AKR7A2: variants seen among roughly 807,000 people sequenced by gnomAD.
AKR7A2 encodes the protein aflatoxin B1 aldehyde reductase member 2.
A neutral mutation model predicts 37.3 loss-of-function variants in AKR7A2; 29 were observed. The ratio of observed to expected loss-of-function variants is 0.78; its 90% CI spans 0.58 to 1.06. AKR7A2 has a LOEUF of 1.06. Among genes scored for constraint, AKR7A2 ranks in the 50% least tolerant of loss-of-function variants. AKR7A2 has a pLI of 0.00. For missense variants in AKR7A2, 529 were observed against 497.9 expected (o/e 1.06, Z -0.59); for synonymous variants, 228 against 217.8 (o/e 1.05, Z -0.41).
rs868237146 is a variant in AKR7A2, at chr1:19,306,075, G to A, written c.861C>T (p.Ser287=). The change falls in exon 6 of 7, where the codon AGC becomes AGT. Residue 287 remains serine (S), a synonymous_variant. Transcript: ENST00000235835. ...EKALQAAYGA[S]APSVTSAALR... ...GGGCAGCCGAGGTCACACTGGGGGC[G>A]CTGGCGCCATATGCGGCCTGCAGGG... The A allele has an allele frequency of 1.9e-6, 3 of 1,614,158 alleles. No homozygotes were observed. Among genetic ancestry groups the A allele is most frequent in the South Asian group, 2.2e-5 (2 of 91,080 alleles).
At chr1:19,310,003 G>A (rs569815860) in intron 1 of AKR7A2, among the ~76,000 whole-genome samples, 1 of 152,146 alleles carries the variant, frequency 6.6e-6, no homozygotes, top group African/African-American at 2.4e-5. Flanking sequence ...TTGAACCTGG[G>A]AGGCAGAGGT....
chr1:19,312,033 G>T lies in AKR7A2; in HGVS notation c.92C>A (p.Ser31Tyr), dbSNP rs753061511. Reference sequence around the variant, plus strand: ...GGCGACCCGCGGTGGCGGTGGCCGGGACATGGCGAGCGCGCGGGCCTCGGG... The same window carrying T: ...GGCGACCCGCGGTGGCGGTGGCCGGTACATGGCGAGCGCGCGGGCCTCGGG... Reference protein sequence around the residue: ...PPPEARALAMSRPPPPRVASV... With the variant: ...PPPEARALAMYRPPPPRVASV... The change falls in exon 1 of 7, where the codon TCC (serine) becomes TAC (tyrosine). Residue 31 changes from serine (S) to tyrosine (Y), a missense_variant. Coordinates refer to ENST00000235835, the MANE Select transcript of AKR7A2 (RefSeq NM_003689.4). 2.7e-5 allele frequency: 38 copies of T among 1,408,820 alleles called. No homozygotes were observed. In the African/African-American group the frequency reaches 5.8e-4, roughly 21 times the overall value. The allele number at this position is 1,408,820 out of a possible 1,614,324, so 87.3% of individuals were successfully genotyped here.
Position 19,306,118 on chromosome 1 carries a change from A to G in AKR7A2, c.818T>C (p.Ile273Thr), listed in dbSNP as rs753380056. 39 of 1,614,154 alleles carry G rather than the reference A, an allele frequency of 2.4e-5. No homozygotes were observed. In the South Asian group the frequency reaches 3.5e-4, roughly 15 times the overall value. ...RFWKEHHFEA[I>T]ALVEKALQAA... is the part of the protein sequence containing the mutation. ...CTGCAGGGCCTTCTCCACCAACGCA[A>G]TGGCCTCGAAGTGGTGCTCCTTCCA... The change falls in exon 6 of 7, where the codon ATT (isoleucine) becomes ACT (threonine). Residue 273 changes from isoleucine (I) to threonine (T), a missense_variant. Physicochemically the swap from Ile to Thr is moderately conservative, Grantham distance 89. Coordinates refer to ENST00000235835, the MANE Select transcript of AKR7A2 (RefSeq NM_003689.4).
At chr1:19,305,870 T>G in intron 6 of AKR7A2, 148 bp downstream of exon 6, 1 of 1,335,698 alleles carries the variant, frequency 7.5e-7, no homozygotes, top group Non-Finnish European at 1.1e-6. Context: ...TCAGATACCA[T>G]CAAAGACCAG....
chr1:19,304,154 C>G lies in AKR7A2; in HGVS notation c.*71G>C. The G allele has an allele frequency of 6.2e-7, 1 of 1,612,372 alleles. No homozygotes were observed. The highest frequency in any genetic ancestry group is 8.5e-7 in the Non-Finnish European group (1 of 1,178,448). ...AAAACCCTTCTAAGTCAGCTTAAGG[C>G]CAAGACTGGTCAGTGTGAGAGAACA... On this transcript the variant is annotated 3_prime_UTR_variant, in exon 7 of 7. Coordinates refer to ENST00000235835, the MANE Select transcript of AKR7A2 (RefSeq NM_003689.4).
rs1335230692 is a variant in AKR7A2 at position 19,309,352 on chromosome 1, GTA to G, written c.299-712_299-711del. 3.9e-5 allele frequency among the ~76,000 whole-genome samples: 6 copies of G among 152,346 alleles called. No homozygotes were observed. The South Asian group carries it at 1.0e-3, about 26-fold the overall frequency. On this transcript the variant is annotated intron_variant, in intron 1 of 6. Transcript: ENST00000235835. ...TCACCTGTGTTCACACTTGGCTGCAGTATAGAGAAAGAAGTCAAGGGGGCAGG... is the reference window on the plus strand; with the variant it reads ...TCACCTGTGTTCACACTTGGCTGCAGTAGAGAAAGAAGTCAAGGGGGCAGG...
rs548236491 is a variant in AKR7A2 at position 19,308,516 on chromosome 1, G to A, written c.425C>T (p.Ala142Val). Reference sequence around the variant, plus strand: ...TTCCACCGGGGTGCCGTGGTCAGGTGCGTGTAGGTAGAAGAGGTCCACTTG... The same window carrying A: ...TTCCACCGGGGTGCCGTGGTCAGGTACGTGTAGGTAGAAGAGGTCCACTTG... Reference protein sequence around the residue: ...CPQVDLFYLHAPDHGTPVEET... With the variant: ...CPQVDLFYLHVPDHGTPVEET... The change falls in exon 2 of 7, where the codon GCA becomes GTA. Residue 142 changes from alanine (A) to valine (V), a missense_variant. By Grantham distance (64) the Ala-to-Val change is moderately conservative. Coordinates refer to ENST00000235835, the MANE Select transcript of AKR7A2 (RefSeq NM_003689.4). 2.5e-5 allele frequency: 40 copies of A among 1,614,216 alleles called. No homozygotes were observed. The South Asian group carries it at 3.6e-4, about 15-fold the overall frequency.
chr1:19,311,639 G>A (rs1316169105), intron 1 of AKR7A2, among the ~76,000 whole-genome samples, 188 bp downstream of exon 1: 1 of 151,908 alleles, frequency 6.6e-6, no homozygotes, highest in Non-Finnish European at 1.5e-5. Context: ...GAGAGTGGGG[G>A]AAAGGAGTCA....
chr1:19,306,225 G>A, intron 5 of AKR7A2, 78 bp from the exon 6 acceptor site: 1 of 1,599,384 alleles, frequency 6.3e-7, no homozygotes, highest in Non-Finnish European at 8.6e-7. Context: ...AGCCATCCAG[G>A]ACCACTGCCC....
intron 4 of AKR7A2, 51 bp from the exon 5 acceptor site, chr1:19,307,152 C>A (rs2151988748): frequency 6.2e-7 from 1 of 1,604,818 alleles, no homozygotes; most frequent in Middle Eastern, 1.7e-4. Flanking sequence ...CCAGAAGCTG[C>A]CACATCCCTC....
At position 19,312,069 on chromosome 1, in the gene AKR7A2, C is replaced by A. The variant is rs900071820; in HGVS notation, c.56G>T (p.Arg19Leu). ...VSRAAVHCAL[R>L]SPPPEARALA... ...CGCGCGGGCCTCGGGCGGCGGAGAG[C>A]GAAGCGCGCAGTGGACGGCGGCGCG... is the stretch of plus-strand genomic sequence containing the variant. Residue 19 changes from arginine to leucine, a missense_variant, in exon 1 of 7, where the codon CGC (arginine) becomes CTC (leucine). By Grantham distance (102) the Arg-to-Leu change is moderately radical. Transcript: ENST00000235835. 4.4e-6 allele frequency: 6 copies of A among 1,356,346 alleles called. No individual in the cohort carries two copies. Among genetic ancestry groups the A allele is most frequent in the South Asian group, 1.9e-5 (1 of 52,802 alleles). The allele number at this position is 1,356,346 out of a possible 1,614,324, so 84.0% of individuals were successfully genotyped here. A position where few individuals can be genotyped will look rare whatever the true frequency, so the allele number is the denominator to read the frequency against.
intron 1 of AKR7A2, among the ~76,000 whole-genome samples, chr1:19,311,362 C>T (rs777850783): frequency 2.0e-5 from 3 of 152,256 alleles, no homozygotes; most frequent in Non-Finnish European, 2.9e-5. Flanking sequence ...TACGGCATCG[C>T]CACAGTTCTC....
chr1:19,307,785 T>C (rs1344497817), intron 3 of AKR7A2: 3 of 488,884 alleles, frequency 6.1e-6, no homozygotes, highest in Non-Finnish European at 7.4e-6. Flanking sequence ...GCTGAATGTA[T>C]GAAGATGAGA....
In AKR7A2 at chr1:19,304,257, C is replaced by A. The variant is rs756498914; in HGVS notation, c.1048G>T (p.Val350Phe). Residue 350 changes from valine to phenylalanine, a missense_variant, in exon 7 of 7, where the codon GTT becomes TTT. Transcript: ENST00000235835. ...VDAFNQAWHL[V>F]AHECPNYFR Reference sequence around the variant, plus strand: ...AAGTAGTTGGGACATTCGTGAGCAACCAAATGCCAGGCTTGATTAAAGGCA... The same window carrying A: ...AAGTAGTTGGGACATTCGTGAGCAAACAAATGCCAGGCTTGATTAAAGGCA... 1 of 1,614,148 alleles carries A rather than the reference C, an allele frequency of 6.2e-7. No individual in the cohort carries two copies. Among genetic ancestry groups the A allele is most frequent in the Admixed American group, 1.7e-5 (1 of 60,024 alleles).
At position 19,307,023 on chromosome 1, in the gene AKR7A2, C is replaced by T; in HGVS notation, c.767G>A (p.Trp256Ter). ...QPVGRFFGNS[W>*]AETYRNRFWK... is the part of the protein sequence containing the mutation. ...TCACCGATTCCTGTAGGTCTCAGCC[C>T]AGCTATTCCCAAAGAAGCGGCCCAC... Residue 256 changes from tryptophan (W) to a stop codon, truncating the protein, a stop_gained, in exon 5 of 7, where the codon TGG becomes TAG. Transcript: ENST00000235835. LOFTEE classifies it high-confidence loss of function. 1.2e-6 allele frequency: 2 copies of T among 1,614,220 alleles called. No homozygotes were observed. The highest frequency in any genetic ancestry group is 1.7e-6 in the Non-Finnish European group (2 of 1,180,038).
At chr1:19,309,118 A>C (rs527384174) in intron 1 of AKR7A2, among the ~76,000 whole-genome samples, 19 of 152,358 alleles carry the variant, frequency 1.2e-4, no homozygotes, top group Admixed American at 6.5e-4. Context: ...ACTCCAGAGC[A>C]TGGGAACCCA....
downstream of AKR7A2, among the ~76,000 whole-genome samples, chr1:19,303,323 T>A (rs2093755499): frequency 6.6e-6 from 1 of 152,160 alleles, no homozygotes; most frequent in Non-Finnish European, 1.5e-5. Flanking sequence ...GCCTCTTTCA[T>A]TGCTTCAAGA....
chr1:19,307,609 T>C (rs2151988967), intron 3 of AKR7A2, 199 bp from the exon 4 acceptor site: 1 of 644,656 alleles, frequency 1.6e-6, no homozygotes, highest in East Asian at 2.7e-5. Context: ...TCCACAAATA[T>C]CTGCTGTATG....
chr1:19,304,127 G>C lies in AKR7A2; in HGVS notation c.*98C>G, dbSNP rs1569683129. The stretch of plus-strand genomic sequence containing the variant: ...ATAATGCATGGATCTAGACAATTCA[G>C]AAAAACCCTTCTAAGTCAGCTTAAG... On this transcript the variant is annotated 3_prime_UTR_variant, in exon 7 of 7. Transcript: ENST00000235835. The C allele has an allele frequency of 6.3e-7, 1 of 1,589,302 alleles. No individual in the cohort carries two copies. Among genetic ancestry groups the C allele is most frequent in the East Asian group, 2.2e-5 (1 of 44,722 alleles).
Sources: allele counts gnomAD v4.1 joint callset (sites outside exome capture counted in the v4.1 genomes callset), GRCh38; gene constraint gnomAD v4.1.1; transcripts MANE v1.5; gene names NCBI Gene and HGNC (gene_info 2026-07-23, HGNC 2026-07-21).